The following ZNF778 variants were observed in gnomAD, a reference collection of about 807,000 sequenced individuals.
The protein encoded by ZNF778 is zinc finger protein 778.
A neutral mutation model predicts 23.9 loss-of-function variants in ZNF778; 37 were observed. The observed-to-expected ratio is 1.54, with a 90% CI of 1.19 to 2.03. The LOEUF is 2.03. ZNF778 is among the 30% of genes most tolerant of loss of function. The pLI is 0.00. For missense variants in ZNF778, 1,297 were observed against 934.4 expected, an observed-to-expected ratio of 1.39 and a Z score of -5.06; for synonymous variants, 483 against 343.9, an observed-to-expected ratio of 1.40 and a Z score of -4.48.
chr16:89,220,606 C>T (rs891223858), intron 1 of ZNF778, among the ~76,000 whole-genome samples: 6 of 152,102 alleles, frequency 3.9e-5, no homozygotes, highest in Admixed American at 6.6e-5. Flanking sequence ...TGCAGTGAGC[C>T]GAGATTGCGC....
intron 3 of ZNF778, 68 bp from the exon 4 acceptor site, chr16:89,223,089 C>T (rs2031125244): frequency 6.4e-7 from 1 of 1,562,962 alleles, no homozygotes; most frequent in African/African-American, 1.4e-5. Context: ...AGGGCCCCGC[C>T]TCCTCATTCT....
At position 89,222,113 on chromosome 16, in the gene ZNF778, C is replaced by G; in HGVS notation, c.47C>G (p.Ser16Ter). 1 of 1,602,438 alleles carries G rather than the reference C, an allele frequency of 6.2e-7. No individual in the cohort carries two copies. Among genetic ancestry groups the G allele is most frequent in the African/African-American group, 1.3e-5 (1 of 74,612 alleles). Residue 16 changes from serine (S) to a stop codon, truncating the protein, a stop_gained, in exon 3 of 7, where the codon TCA becomes TGA. Coordinates refer to ENST00000433976, the MANE Select transcript of ZNF778 (RefSeq NM_001201407.2). LOFTEE classifies it high-confidence loss of function. The part of the protein sequence containing the change: ...LAHGGHVSRD[S>*]VCLHEEQTQA... ...TTAGGAGGTCATGTTTCTAGGGACTCAGTCTGCCTTCATGAAGAACAGACA... is the reference window on the plus strand; with the variant it reads ...TTAGGAGGTCATGTTTCTAGGGACTGAGTCTGCCTTCATGAAGAACAGACA...
intron 4 of ZNF778, among the ~76,000 whole-genome samples, chr16:89,224,266 C>T (rs1289376786): frequency 6.6e-6 from 1 of 151,908 alleles, no homozygotes; most frequent in East Asian, 1.9e-4. Context: ...CGCAGTGGCT[C>T]ATGCCTGTAA....
At chr16:89,225,355 C>T (rs140181040) in intron 5 of ZNF778, among the ~76,000 whole-genome samples, 200 bp from the exon 6 acceptor site, 22 of 152,084 alleles carry the variant, frequency 1.4e-4, no homozygotes, top group African/African-American at 5.1e-4. Context: ...TGTTTCTGTT[C>T]ACCTCACATT....
At chr16:89,218,096 G>A (rs2030526503) in intron 1 of ZNF778, 186 bp downstream of exon 1, 2 of 152,270 alleles carry the variant, frequency 1.3e-5, no homozygotes, top group Non-Finnish European at 2.9e-5. Context: ...GCCAGCGGGA[G>A]CGCGCGTCCC....
intron 5 of ZNF778, among the ~76,000 whole-genome samples, chr16:89,225,343 A>G (rs926821436): frequency 6.6e-6 from 1 of 151,832 alleles, no homozygotes; most frequent in African/African-American, 2.4e-5. Context: ...CATTGATAAT[A>G]TTGTTTCTGT....
rs561906103 is a variant in ZNF778 at position 89,229,150 on chromosome 16, A to G, written c.*588A>G. The G allele has an allele frequency of 1.0e-6, 1 of 986,104 alleles. No homozygotes were observed. The highest frequency in any genetic ancestry group is 1.7e-5 in the African/African-American group (1 of 57,390). 61.1% of individuals were successfully genotyped at this position (986,104 alleles called of 1,614,324 possible). On this transcript the variant is annotated 3_prime_UTR_variant, in exon 7 of 7. Transcript: ENST00000433976. ...CTCCAGTCTGGTTGCTACAGTGTCC[A>G]CGTCGCAGCCTGGCTAACAGTAGGC... is the stretch of plus-strand genomic sequence containing the variant.
intron 1 of ZNF778, among the ~76,000 whole-genome samples, chr16:89,218,661 G>A (rs1026375825): frequency 3.9e-4 from 59 of 152,150 alleles, no homozygotes; most frequent in African/African-American, 1.3e-3. Flanking sequence ...CGTGGTGGCG[G>A]GCTCCTGTAG....
At position 89,223,238 on chromosome 16, in the gene ZNF778, T is replaced by C. The variant is rs745373329; in HGVS notation, c.199T>C (p.Tyr67His). 1 of 1,613,968 alleles carries C rather than the reference T, an allele frequency of 6.2e-7. No homozygotes were observed. Among genetic ancestry groups the C allele is most frequent in the Non-Finnish European group, 8.5e-7 (1 of 1,179,940 alleles). ...TLLDPSQRDL[Y>H]RDVMLENYEN... ...ACTGGACCCATCTCAGAGAGACCTC[T>C]ACAGAGATGTGATGCTGGAAAACTA... is the stretch of plus-strand genomic sequence containing the variant. The change falls in exon 4 of 7, where the codon TAC becomes CAC. Residue 67 changes from tyrosine (Y) to histidine (H), a missense_variant. Tyr to His is a moderately conservative substitution (Grantham distance 83). Transcript: ENST00000433976.
At chr16:89,225,752 G>T (rs2031421140) in intron 6 of ZNF778, 121 bp downstream of exon 6, 1 of 910,826 alleles carries the variant, frequency 1.1e-6, no homozygotes, top group Non-Finnish European at 1.7e-6. Flanking sequence ...GGCAGGGGTT[G>T]TCTGTAGAGA....
rs2031865948 is a variant in ZNF778, at chr16:89,230,523, C to T, written c.*1961C>T. 2 of 152,296 alleles carry T rather than the reference C, an allele frequency of 1.3e-5. No homozygotes were observed. The highest frequency in any genetic ancestry group is 4.8e-5 in the African/African-American group (2 of 41,460). The allele number at this position is 152,296 out of a possible 1,614,324, so 9.4% of individuals were successfully genotyped here. A position where few individuals can be genotyped will look rare whatever the true frequency, so the allele number is the denominator to read the frequency against. On this transcript the variant is annotated 3_prime_UTR_variant, in exon 7 of 7. Transcript: ENST00000433976. ...CGACCCGGCACTCCTGGGGCAGCTG[C>T]TGCTTGTGTGTGTGCTGCTCCTTTG...
intron 1 of ZNF778, among the ~76,000 whole-genome samples, chr16:89,219,792 T>C (rs1487633672): frequency 6.6e-6 from 1 of 152,150 alleles, no homozygotes; most frequent in African/African-American, 2.4e-5. Context: ...GCGTTAACGC[T>C]GTTATATACG....
Position 89,225,119 on chromosome 16 carries a change from T to C in ZNF778, c.328+317T>C, listed in dbSNP as rs1042806883. Among the ~76,000 whole-genome samples, 204 of 93,606 alleles carry C rather than the reference T, an allele frequency of 2.2e-3. 2 individuals are homozygous for C. Among genetic ancestry groups the C allele is most frequent in the African/African-American group, 6.9e-3 (199 of 28,680 alleles). The allele number at this position is 93,606 out of a possible 152,430, so 61.4% of individuals were successfully genotyped here. A position where few individuals can be genotyped will look rare whatever the true frequency, so the allele number is the denominator to read the frequency against. On this transcript the variant is annotated intron_variant, in intron 5 of 6. Transcript: ENST00000433976. ...GTTCTTTCAGTTTGTGGGTTTTTTTTTTTTTTTTTTTTTTGAGACGGAGTC... is the reference window on the plus strand; with the variant it reads ...GTTCTTTCAGTTTGTGGGTTTTTTTCTTTTTTTTTTTTTTGAGACGGAGTC...
chr16:89,227,476 G>A lies in ZNF778; in HGVS notation c.1188G>A (p.Val396=). Residue 396 remains valine, a synonymous_variant, in exon 7 of 7, where the codon GTG becomes GTA. Coordinates refer to ENST00000433976, the MANE Select transcript of ZNF778 (RefSeq NM_001201407.2). ...THTREKPFAC[V]VCGKYFRNSS... ...CGAGGGAGAAGCCCTTTGCATGTGT[G>A]GTTTGCGGAAAATATTTTAGAAATT... The A allele has an allele frequency of 6.2e-7, 1 of 1,613,868 alleles. No homozygotes were observed. The highest frequency in any genetic ancestry group is 8.5e-7 in the Non-Finnish European group (1 of 1,179,876).
rs1167367474 is a variant in ZNF778, at chr16:89,234,320, CTT to C, written c.*5760_*5761del. 1.4e-4 allele frequency: 46 copies of C among 331,990 alleles called. No individual in the cohort carries two copies. Among genetic ancestry groups the C allele is most frequent in the African/African-American group, 8.6e-4 (40 of 46,638 alleles). 20.6% of individuals were successfully genotyped at this position (331,990 alleles called of 1,614,324 possible). A position where few individuals can be genotyped will look rare whatever the true frequency, so the allele number is the denominator to read the frequency against. ...ATGTTGACTCCTGGGCAGTTTTATT[CTT>C]TCTCTCTACTCGTTCAACCTTCTTA... is the stretch of plus-strand genomic sequence containing the variant. On this transcript the variant is annotated 3_prime_UTR_variant, in exon 7 of 7. Transcript: ENST00000433976.
intron 1 of ZNF778, chr16:89,218,337 TC>T (rs1437681365): frequency 6.6e-6 from 1 of 152,208 alleles, no homozygotes; most frequent in Non-Finnish European, 1.5e-5. Flanking sequence ...GTTTTCTCTC[TC>T]CCCCAATAAA....
rs896878578 is a variant in ZNF778 at position 89,219,725 on chromosome 16, C to T, written c.-131-1272C>T. Among the ~76,000 whole-genome samples the T allele has an allele frequency of 3.3e-5, 5 of 152,334 alleles. No homozygotes were observed. In the South Asian group the frequency reaches 8.3e-4, roughly 25 times the overall value. ...AGTGCCTAAGAAGCTTGTCCTGCACCCTGAATGTGCACTGATCCACACTTG... is the reference window on the plus strand; with the variant it reads ...AGTGCCTAAGAAGCTTGTCCTGCACTCTGAATGTGCACTGATCCACACTTG... On this transcript the variant is annotated intron_variant, in intron 1 of 6. Coordinates refer to ENST00000433976, the MANE Select transcript of ZNF778 (RefSeq NM_001201407.2).
chr16:89,220,454 A>G (rs1431984349), intron 1 of ZNF778, among the ~76,000 whole-genome samples: 3 of 152,142 alleles, frequency 2.0e-5, no homozygotes, highest in African/African-American at 7.2e-5. Flanking sequence ...TCAGGAGATC[A>G]AGACCATCCT....
In ZNF778 at chr16:89,236,416, T is replaced by C. The variant is rs750235641; in HGVS notation, c.*7854T>C. The C allele has an allele frequency of 1.3e-5, 2 of 152,078 alleles. No homozygotes were observed. The highest frequency in any genetic ancestry group is 2.9e-5 in the Non-Finnish European group (2 of 68,012). The allele number at this position is 152,078 out of a possible 1,614,324, so 9.4% of individuals were successfully genotyped here. On this transcript the variant is annotated 3_prime_UTR_variant, in exon 7 of 7. Coordinates refer to ENST00000433976, the MANE Select transcript of ZNF778 (RefSeq NM_001201407.2). ...TTGCTATATCCAACAAAATATCCTT[T>C]AGGAATGAAACAGAAGTAACGATGA...
Sources: gnomAD v4.1 joint callset for allele counts (sites outside exome capture counted in the v4.1 genomes callset) on GRCh38, gnomAD v4.1.1 for gene constraint, MANE v1.5 for transcripts, NCBI Gene and HGNC (gene_info 2026-07-23, HGNC 2026-07-21) for gene names.